Variants in LYPD6B observed in about 807,000 individuals in gnomAD.
The protein encoded by LYPD6B is LY6/PLAUR domain containing 6B, also known as ly6/PLAUR domain-containing protein 6B.
In LYPD6B, 17 loss-of-function variants were observed where a neutral mutation model predicts 22.8. The observed-to-expected ratio is 0.75, with a 90% CI of 0.51 to 1.12. The LOEUF (loss-of-function observed/expected upper bound fraction) is 1.12. LYPD6B is among the 50% of genes most tolerant of loss of function. The pLI is 0.00. For missense variants in LYPD6B, 221 were observed against 258.3 expected, an observed-to-expected ratio of 0.86 and a Z score of 0.99; for synonymous variants, 106 against 91.6, an observed-to-expected ratio of 1.16 and a Z score of -0.90.
chr2:149,168,481 G>T (rs1690587072), intron 3 of LYPD6B, among the ~76,000 whole-genome samples: 1 of 152,118 alleles, frequency 6.6e-6, no homozygotes, highest in Non-Finnish European at 1.5e-5. Context: ...TCCTTAGAAA[G>T]TCTTTCTAGA....
intron 2 of LYPD6B, among the ~76,000 whole-genome samples, chr2:149,144,235 C>T (rs1326627028): frequency 2.0e-5 from 3 of 152,132 alleles, no homozygotes; most frequent in Non-Finnish European, 4.4e-5. Context: ...CTGCCAGTTT[C>T]TGTATGGCCT....
intron 1 of LYPD6B, among the ~76,000 whole-genome samples, chr2:149,116,672 C>T (rs887288197): frequency 6.6e-6 from 1 of 152,152 alleles, no homozygotes; most frequent in East Asian, 1.9e-4. Flanking sequence ...GCAGTTACAA[C>T]ATAAAAGGAT....
At chr2:149,151,170 G>A (rs1177912557) in intron 2 of LYPD6B, among the ~76,000 whole-genome samples, 1 of 152,108 alleles carries the variant, frequency 6.6e-6, no homozygotes, top group Non-Finnish European at 1.5e-5. Context: ...AGTTCAGTAT[G>A]AATGGGTGGG....
intron 1 of LYPD6B, among the ~76,000 whole-genome samples, chr2:149,078,409 C>A (rs980249627): frequency 6.6e-6 from 1 of 152,094 alleles, no homozygotes; most frequent in Admixed American, 6.5e-5. Context: ...GGGTTGCCAG[C>A]CAGTATAATG....
At chr2:149,183,903 CTT>C (rs1443573495) in intron 3 of LYPD6B, among the ~76,000 whole-genome samples, 1 of 150,964 alleles carries the variant, frequency 6.6e-6, no homozygotes, top group Non-Finnish European at 1.5e-5. Flanking sequence ...AGTTTTAAAA[CTT>C]TATTTGGCCA....
intron 1 of LYPD6B, among the ~76,000 whole-genome samples, chr2:149,099,388 C>T (rs1686080061): frequency 6.9e-6 from 1 of 145,198 alleles, no homozygotes; most frequent in South Asian, 2.2e-4. Context: ...TTAAATGTGT[C>T]ATCCCCAGGC....
chr2:149,071,586 A>G (rs1340643200), intron 1 of LYPD6B, among the ~76,000 whole-genome samples: 1 of 152,220 alleles, frequency 6.6e-6, no homozygotes, highest in Non-Finnish European at 1.5e-5. Flanking sequence ...TAGAAGATGC[A>G]TACACTAAAT....
chr2:149,143,603 A>G (rs1688832147), intron 2 of LYPD6B, among the ~76,000 whole-genome samples: 1 of 152,082 alleles, frequency 6.6e-6, no homozygotes, highest in South Asian at 2.1e-4. Context: ...TGTCTTATCA[A>G]TCTCAGCAGA....
intron 1 of LYPD6B, among the ~76,000 whole-genome samples, chr2:149,047,335 T>A (rs1031862178): frequency 3.3e-5 from 5 of 152,166 alleles, no homozygotes; most frequent in African/African-American, 1.2e-4. Context: ...TGACAGTTTT[T>A]ACGCTTGATC....
intron 3 of LYPD6B, among the ~76,000 whole-genome samples, chr2:149,198,398 A>G (rs1692955992): frequency 6.6e-6 from 1 of 152,144 alleles, no homozygotes; most frequent in Non-Finnish European, 1.5e-5. Flanking sequence ...GGTGTCATGA[A>G]AGCCTTCTCC....
intron 2 of LYPD6B, among the ~76,000 whole-genome samples, chr2:149,133,517 A>C (rs1688158714): frequency 1.3e-5 from 2 of 152,214 alleles, no homozygotes; most frequent in African/African-American, 4.8e-5. Context: ...CCCTTTGGGA[A>C]TATCTTAGAG....
intron 3 of LYPD6B, among the ~76,000 whole-genome samples, chr2:149,204,287 G>C (rs888416074): frequency 1.3e-5 from 2 of 152,188 alleles, no homozygotes; most frequent in African/African-American, 4.8e-5. Flanking sequence ...CTAATAAATA[G>C]CAGAGCCAGC....
intron 1 of LYPD6B, among the ~76,000 whole-genome samples, chr2:149,058,799 T>G (rs1452287101): frequency 6.6e-6 from 1 of 152,176 alleles, no homozygotes; most frequent in Non-Finnish European, 1.5e-5. Context: ...TTTGTATTTT[T>G]AGTAGACATG....
At chr2:149,079,198 C>G (rs1364972599) in intron 1 of LYPD6B, among the ~76,000 whole-genome samples, 1 of 151,950 alleles carries the variant, frequency 6.6e-6, no homozygotes, top group East Asian at 1.9e-4. Flanking sequence ...CTCCAAGGGT[C>G]TAACTTTGGA....
At chr2:149,205,178 TC>T in intron 3 of LYPD6B, 74 bp from the exon 4 acceptor site, 1 of 1,492,016 alleles carries the variant, frequency 6.7e-7, no homozygotes, top group South Asian at 1.3e-5. Flanking sequence ...AATGGAGCTT[TC>T]CAAACAGAAG....
chr2:149,073,326 A>G (rs1235470276), intron 1 of LYPD6B, among the ~76,000 whole-genome samples: 1 of 152,110 alleles, frequency 6.6e-6, no homozygotes, highest in Admixed American at 6.5e-5. Context: ...CAGGTAGAAA[A>G]CCAGCTGAAG....
chr2:149,211,788 G>A (rs1310245459), intron 5 of LYPD6B, among the ~76,000 whole-genome samples: 2 of 152,084 alleles, frequency 1.3e-5, no homozygotes, highest in African/African-American at 2.4e-5. Context: ...AAACTAAGAA[G>A]CATTTCATTG....
chr2:149,205,451 G>C (rs757527942), intron 4 of LYPD6B, 47 bp downstream of exon 4: 1 of 1,578,494 alleles, frequency 6.3e-7, no homozygotes, highest in Non-Finnish European at 8.6e-7. Context: ...TGGGGCCAGA[G>C]TGTTAATATG....
chr2:149,090,027 C>T (rs374227012), intron 1 of LYPD6B, among the ~76,000 whole-genome samples: 6 of 152,114 alleles, frequency 3.9e-5, no homozygotes, highest in African/African-American at 1.4e-4. Flanking sequence ...GGGATGGAGA[C>T]AACCTATTCT....
Sources: gnomAD v4.1 joint callset for allele counts (sites outside exome capture counted in the v4.1 genomes callset) on GRCh38, gnomAD v4.1.1 for gene constraint, MANE v1.5 for transcripts, NCBI Gene and HGNC (gene_info 2026-07-23, HGNC 2026-07-21) for gene names.